The following PDE2A variants were observed in gnomAD, a reference collection of about 807,000 sequenced individuals.
PDE2A encodes the protein cGMP-dependent 3',5'-cyclic phosphodiesterase.
PDE2A carries 53 observed loss-of-function variants against 133.6 expected under a neutral mutation model. The ratio of observed to expected loss-of-function variants is 0.40; its 90% CI spans 0.32 to 0.50. PDE2A has a LOEUF of 0.50. Among genes scored for constraint, PDE2A ranks in the 20% least tolerant of loss-of-function variants. PDE2A has a pLI of 0.73. For synonymous variants in PDE2A, 491 were observed against 490.2 expected (o/e 1.00, Z -0.02); for missense variants, 796 against 1,232.4 (o/e 0.65, Z 5.30).
chr11:72,590,849 C>A lies in PDE2A; in HGVS notation c.550-269G>T, dbSNP rs1020386896. 7 of 408,426 alleles carry A rather than the reference C, an allele frequency of 1.7e-5. No individual in the cohort carries two copies. Among genetic ancestry groups the A allele is most frequent in the African/African-American group, 1.4e-4 (7 of 48,400 alleles). The allele number at this position is 408,426 out of a possible 1,614,324, so 25.3% of individuals were successfully genotyped here. ...CCTAGATTCTTCCAAGACAAGATGT[C>A]AGATTTCTGTCTCCAGCCCCCTCAG... On this transcript the variant is annotated intron_variant, in intron 7 of 30. Transcript: ENST00000334456. This position sits in a 1 kb window ranked among gnomAD's most constrained non-coding sequence, Gnocchi z 4.8.
In PDE2A at chr11:72,605,232, A is replaced by T. The variant is rs1467336194; in HGVS notation, c.235-6T>A. ...AGGTAGGTGTAGACAGTTTCCTAGG[A>T]CAGAAGGCACTTATGAGACCCTGTG... On this transcript the variant is annotated splice_polypyrimidine_tract_variant and splice_region_variant and intron_variant, in intron 3 of 30. Coordinates refer to ENST00000334456, the MANE Select transcript of PDE2A (RefSeq NM_002599.5). 1 of 1,592,388 alleles carries T rather than the reference A, an allele frequency of 6.3e-7. No homozygotes were observed. The highest frequency in any genetic ancestry group is 8.6e-7 in the Non-Finnish European group (1 of 1,165,310).
intron 1 of PDE2A, among the ~76,000 whole-genome samples, chr11:72,647,736 C>T (rs553614033): frequency 6.6e-6 from 1 of 152,352 alleles, no homozygotes; most frequent in African/African-American, 2.4e-5. Context: ...CAGGTGTTCA[C>T]CTGGGCAGGG....
At chr11:72,592,619 T>C (rs560599860) in intron 6 of PDE2A, among the ~76,000 whole-genome samples, 1 of 151,904 alleles carries the variant, frequency 6.6e-6, no homozygotes, top group Non-Finnish European at 1.5e-5. Flanking sequence ...TGCGGGGAGA[T>C]GAGGATCCAG....
chr11:72,616,440 A>G (rs462720), intron 2 of PDE2A, among the ~76,000 whole-genome samples: 117,206 of 152,158 alleles, frequency 0.77, 45,287 homozygotes, highest in East Asian at 0.93. Context: ...GCCCCTCTCC[A>G]GGTCTCCAGC....
Position 72,578,628 on chromosome 11 carries a change from A to AG in PDE2A, c.2470-115dup. 8.4e-6 allele frequency: 8 copies of AG among 953,022 alleles called. No homozygotes were observed. The South Asian group carries it at 1.1e-4, about 14-fold the overall frequency. The allele number at this position is 953,022 out of a possible 1,614,324, so 59.0% of individuals were successfully genotyped here. ...AGGCCCAGGGATTCAGTCCCAGCTC[A>AG]GGAGCCGTCCCCACCAGCCCCAGCT... is the stretch of plus-strand genomic sequence containing the variant. On this transcript the variant is annotated intron_variant, in intron 28 of 30. Transcript: ENST00000334456. This position sits in a 1 kb window ranked among gnomAD's most constrained non-coding sequence, Gnocchi z 4.2.
At chr11:72,604,010 A>G (rs1856864529) in intron 4 of PDE2A, among the ~76,000 whole-genome samples, 1 of 152,168 alleles carries the variant, frequency 6.6e-6, no homozygotes, top group Non-Finnish European at 1.5e-5. Context: ...CTCAGCTGCT[A>G]CCTGAAAAAG....
At chr11:72,650,543 C>T (rs752949203) in intron 1 of PDE2A, among the ~76,000 whole-genome samples, 16 of 152,132 alleles carry the variant, frequency 1.1e-4, no homozygotes, top group Non-Finnish European at 2.2e-4. Context: ...CCCACCTCAC[C>T]GCAGATAAAG....
In PDE2A at chr11:72,650,123, G is replaced by A. The variant is rs541282617; in HGVS notation, c.72-7797C>T. On this transcript the variant is annotated intron_variant, in intron 1 of 30. Transcript: ENST00000334456. ...TGCAACCTCCGCCTCTCAGGTTCAAGCAATTCTCCTGCCTCAGCCTCCCGA... is the reference window on the plus strand; with the variant it reads ...TGCAACCTCCGCCTCTCAGGTTCAAACAATTCTCCTGCCTCAGCCTCCCGA... 2.6e-5 allele frequency among the ~76,000 whole-genome samples: 4 copies of A among 151,364 alleles called. No individual in the cohort carries two copies. In the East Asian group the frequency reaches 7.8e-4, roughly 30 times the overall value.
At position 72,579,531 on chromosome 11, in the gene PDE2A, C is replaced by CAAA; in HGVS notation, c.2256+2_2256+3insTTT. ...ATCCCCACCCCACCCCCAACCCCAT[C>CAAA]ACCTTCCGGGAGAAATGATCAAAGA... On this transcript the variant is annotated splice_region_variant and intron_variant, in intron 26 of 30. Transcript: ENST00000334456. 2 of 1,181,098 alleles carry CAAA rather than the reference C, an allele frequency of 1.7e-6. No homozygotes were observed. The highest frequency in any genetic ancestry group is 2.5e-6 in the Non-Finnish European group (2 of 811,374). 73.2% of individuals were successfully genotyped at this position (1,181,098 alleles called of 1,614,324 possible).
chr11:72,670,194 T>TTTTTTTTTTTTTTTTTTTTTGAG (rs1346901112), intron 1 of PDE2A, among the ~76,000 whole-genome samples: 1 of 152,130 alleles, frequency 6.6e-6, no homozygotes, highest in African/African-American at 2.4e-5. Flanking sequence ...GGCTCTTCCT[T>TTTTTTTTTTTTTTTTTTTTTGAG]ATAAGGCCAG....
intron 1 of PDE2A, among the ~76,000 whole-genome samples, chr11:72,652,149 C>A (rs1345310580): frequency 6.6e-6 from 1 of 152,172 alleles, no homozygotes; most frequent in African/African-American, 2.4e-5. Flanking sequence ...AAGGGGACCC[C>A]AATGTAGCTC....
intron 1 of PDE2A, among the ~76,000 whole-genome samples, chr11:72,672,747 G>A (rs1036738271): frequency 7.2e-6 from 1 of 138,158 alleles, no homozygotes; most frequent in Non-Finnish European, 1.5e-5. Flanking sequence ...TTATTCTCAA[G>A]CTATTTTATG....
At chr11:72,593,583 G>A (rs995727499) in intron 6 of PDE2A, among the ~76,000 whole-genome samples, 2 of 152,214 alleles carry the variant, frequency 1.3e-5, no homozygotes, top group African/African-American at 4.8e-5. Context: ...TGGTGTGGCT[G>A]GTGCAGCTGG....
chr11:72,588,567 G>C (rs905208508), intron 13 of PDE2A, among the ~76,000 whole-genome samples: 2 of 152,174 alleles, frequency 1.3e-5, no homozygotes, highest in Non-Finnish European at 2.9e-5. Context: ...AATACCCCAA[G>C]AGCAGATTAC....
chr11:72,597,794 C>G lies in PDE2A; in HGVS notation c.324-175G>C, dbSNP rs987442398. Reference sequence around the variant, plus strand: ...GTAAAAAAGTAGGGGACCCTGGACCCTATGTGGAGAAACAGGCAGCCACAG... The same window carrying G: ...GTAAAAAAGTAGGGGACCCTGGACCGTATGTGGAGAAACAGGCAGCCACAG... On this transcript the variant is annotated intron_variant, in intron 4 of 30. Coordinates refer to ENST00000334456, the MANE Select transcript of PDE2A (RefSeq NM_002599.5). This position sits in a 1 kb window ranked among gnomAD's most constrained non-coding sequence, Gnocchi z 4.6. 2.0e-5 allele frequency among the ~76,000 whole-genome samples: 3 copies of G among 152,190 alleles called. No homozygotes were observed. Among genetic ancestry groups the G allele is most frequent in the African/African-American group, 7.2e-5 (3 of 41,450 alleles).
chr11:72,653,774 G>A (rs1051159726), intron 1 of PDE2A, among the ~76,000 whole-genome samples: 2 of 152,220 alleles, frequency 1.3e-5, no homozygotes, highest in African/African-American at 4.8e-5. Context: ...TGGCATGGGG[G>A]TCACCCCCCA....
intron 1 of PDE2A, chr11:72,657,735 G>C (rs1320464768): frequency 2.2e-6 from 1 of 451,342 alleles, no homozygotes; most frequent in Non-Finnish European, 4.4e-6. Context: ...TCTTGGATCT[G>C]GGGGAGGAGC....
intron 6 of PDE2A, among the ~76,000 whole-genome samples, chr11:72,592,642 T>C (rs1306714584): frequency 6.6e-6 from 1 of 151,984 alleles, no homozygotes; most frequent in East Asian, 1.9e-4. Context: ...AGGGGTGTGG[T>C]CCATGGTACC....
Position 72,578,534 on chromosome 11 carries a change from A to T in PDE2A, c.2470-20T>A. 1 of 1,601,914 alleles carries T rather than the reference A, an allele frequency of 6.2e-7. No homozygotes were observed. Among genetic ancestry groups the T allele is most frequent in the Non-Finnish European group, 8.6e-7 (1 of 1,168,878 alleles). On this transcript the variant is annotated intron_variant, in intron 28 of 30. Transcript: ENST00000334456. This position sits in a 1 kb window ranked among gnomAD's most constrained non-coding sequence, Gnocchi z 4.2. ...CAGCTCCTGAAAGGCCAACACTCTC[A>T]TCACATCCTCTATGTAGGATACATC... is the stretch of plus-strand genomic sequence containing the variant.
Sources: gnomAD v4.1 joint callset for allele counts (sites outside exome capture counted in the v4.1 genomes callset) on GRCh38, gnomAD v4.1.1 for gene constraint, Gnocchi (gnomAD v3.1) non-coding constraint, MANE v1.5 for transcripts, NCBI Gene and HGNC (gene_info 2026-07-23, HGNC 2026-07-21) for gene names.